The following ZDHHC11 variants were observed in gnomAD, a reference collection of about 807,000 sequenced individuals.
ZDHHC11 encodes palmitoyltransferase ZDHHC11.
Under a neutral mutation model 51.3 loss-of-function variants are expected in ZDHHC11, and 44 were observed. That is an observed-to-expected ratio of 0.86 (90% CI 0.67 to 1.10). ZDHHC11 has a LOEUF of 1.10. Ranked by LOEUF, ZDHHC11 falls within the 50% of genes least tolerant of loss-of-function variation. The probability of loss-of-function intolerance (pLI) is 0.00; values close to 1 mark genes in which losing one functional copy is unlikely to be tolerated. For synonymous variants in ZDHHC11, 163 were observed against 222.0 expected (o/e 0.73, Z 2.36); for missense variants, 400 against 537.7 (o/e 0.74, Z 2.53).
At chr5:859,320 A>G (rs994923334), upstream of ZDHHC11, among the ~76,000 whole-genome samples, 1 of 152,056 alleles carries the variant, frequency 6.6e-6, no homozygotes, top group African/African-American at 2.4e-5. Flanking sequence ...TAGCCTGCAA[A>G]AGAGCTCGCT....
chr5:841,876 T>C, intron 4 of ZDHHC11: 1 of 988,704 alleles, frequency 1.0e-6, no homozygotes, highest in Non-Finnish European at 1.2e-6. Flanking sequence ...ATGGATGTCT[T>C]TCGGTGACAG....
At chr5:821,816 A>G in intron 9 of ZDHHC11, 45 bp downstream of exon 9, 1 of 1,534,886 alleles carries the variant, frequency 6.5e-7, no homozygotes, top group East Asian at 2.2e-5. Context: ...GTGTATAACT[A>G]TGTTACTAAT....
chr5:856,088 C>T (rs573357242), intron 1 of ZDHHC11, among the ~76,000 whole-genome samples: 3 of 152,198 alleles, frequency 2.0e-5, no homozygotes, highest in Non-Finnish European at 2.9e-5. Context: ...TCCCCTCAGG[C>T]CCACGCTCAG....
chr5:845,945 G>T (rs1488498390), intron 3 of ZDHHC11, among the ~76,000 whole-genome samples: 14 of 150,052 alleles, frequency 9.3e-5, no homozygotes, highest in African/African-American at 3.3e-4. Context: ...ACCTGCCTGT[G>T]GGCCCTCACC....
chr5:838,582 C>G (rs1192459640), intron 5 of ZDHHC11, among the ~76,000 whole-genome samples: 1 of 152,120 alleles, frequency 6.6e-6, no homozygotes, highest in Non-Finnish European at 1.5e-5. Context: ...GGAGTCACTG[C>G]CCAGGGAGGC....
At position 802,805 on chromosome 5, in the gene ZDHHC11, C is replaced by G. The variant is rs531998498; in HGVS notation, c.1182-1641G>C. Among the ~76,000 whole-genome samples the G allele has an allele frequency of 6.0e-5, 6 of 99,816 alleles. 1 individual carries two copies. Among genetic ancestry groups the G allele is most frequent in the Non-Finnish European group, 1.1e-4 (6 of 52,776 alleles). The allele number at this position is 99,816 out of a possible 152,430, so 65.5% of individuals were successfully genotyped here. On this transcript the variant is annotated intron_variant, in intron 11 of 12. Coordinates refer to ENST00000283441, the MANE Select transcript of ZDHHC11 (RefSeq NM_024786.3). The stretch of plus-strand genomic sequence containing the variant: ...TGGCTAACATGGTGAAACTCTGTCT[C>G]TACTAAAAATACAAAAATACAAAAA...
chr5:820,063 T>C lies in ZDHHC11; in HGVS notation c.1059-451A>G, dbSNP rs530332648. ...CCATTCCCTAATTTTCTACAACATA[T>C]ACATGTCGATTTGGCAATCATTACA... On this transcript the variant is annotated intron_variant, in intron 9 of 12. Coordinates refer to ENST00000283441, the MANE Select transcript of ZDHHC11 (RefSeq NM_024786.3). 3.3e-4 allele frequency among the ~76,000 whole-genome samples: 50 copies of C among 151,570 alleles called. 1 individual carries two copies. Among genetic ancestry groups the C allele is most frequent in the African/African-American group, 1.2e-3 (49 of 41,388 alleles).
At position 843,603 on chromosome 5, in the gene ZDHHC11, C is replaced by G; in HGVS notation, c.625G>C (p.Glu209Gln). 3 of 1,608,736 alleles carry G rather than the reference C, an allele frequency of 1.9e-6. No individual in the cohort carries two copies. Among genetic ancestry groups the G allele is most frequent in the Non-Finnish European group, 2.5e-6 (3 of 1,176,814 alleles). ...CTTGAGAGCGGCGGCCACGTACCTT[C>G]ATACCTGGGGTCCGTGCGGAGCACC... ...PGVLRTDPRY[E>Q]DVKNMNTWLL... Residue 209 changes from glutamate to glutamine, a missense_variant, in exon 4 of 13, where the codon GAA becomes CAA. Around this residue, in one of 5 missense-constraint regions of ZDHHC11, gnomAD observed 26 missense variants for 47.1 expected, o/e 0.55. Transcript: ENST00000283441.
At chr5:828,394 GCTGGCCGGGTGGAGGTGCCCC>G in intron 7 of ZDHHC11, among the ~76,000 whole-genome samples, 1 of 150,882 alleles carries the variant, frequency 6.6e-6, no homozygotes, top group African/African-American at 2.4e-5. Context: ...GGACGGGGCG[GCTGGCCGGGTGGAGGTGCCCC>G]CCACCTCCCT....
chr5:849,394 CCCAA>C (rs1746798011), intron 1 of ZDHHC11, among the ~76,000 whole-genome samples: 2 of 152,132 alleles, frequency 1.3e-5, no homozygotes, highest in Middle Eastern at 3.2e-3. Flanking sequence ...CGGATGCAGC[CCCAA>C]AGGCCCTGGA....
chr5:804,317 T>C (rs955956388), intron 11 of ZDHHC11, among the ~76,000 whole-genome samples: 6 of 151,300 alleles, frequency 4.0e-5, no homozygotes, highest in Non-Finnish European at 8.9e-5. Context: ...TGCCCATTAA[T>C]GTACAGGAAA....
At chr5:840,023 G>C in intron 5 of ZDHHC11, 1 of 591,812 alleles carries the variant, frequency 1.7e-6, no homozygotes, top group Admixed American at 3.0e-5. Context: ...TGTGCCCACT[G>C]TGAGACCAAG....
intron 1 of ZDHHC11, 163 bp downstream of exon 1, chr5:850,218 T>C (rs1746950278): frequency 3.9e-6 from 3 of 763,080 alleles, no homozygotes; most frequent in Non-Finnish European, 4.3e-6. Flanking sequence ...GCACAGAGCA[T>C]GAGTGGCCAC....
chr5:802,962 A>G (rs1288297833), intron 11 of ZDHHC11, among the ~76,000 whole-genome samples: 1 of 146,682 alleles, frequency 6.8e-6, no homozygotes, highest in African/African-American at 2.5e-5. Flanking sequence ...TGGAGCTTGC[A>G]GTGAGCAGAG....
chr5:849,114 C>A (rs902134068), intron 1 of ZDHHC11, among the ~76,000 whole-genome samples: 4 of 152,194 alleles, frequency 2.6e-5, no homozygotes, highest in Non-Finnish European at 4.4e-5. Flanking sequence ...CCCGTCGGCC[C>A]TGCACACACA....
chr5:805,963 C>T (rs1189786080), intron 11 of ZDHHC11, among the ~76,000 whole-genome samples: 2 of 151,054 alleles, frequency 1.3e-5, no homozygotes, highest in Non-Finnish European at 3.0e-5. Context: ...ATGTTGCTGA[C>T]CCCACACAGC....
At chr5:842,225 TCA>T (rs1229637756) in intron 4 of ZDHHC11, 1 of 985,732 alleles carries the variant, frequency 1.0e-6, no homozygotes, top group East Asian at 1.1e-4. Context: ...CTCTGCTCTC[TCA>T]CTCTCCCCTG....
intron 7 of ZDHHC11, among the ~76,000 whole-genome samples, chr5:829,181 A>G (rs1233334871): frequency 6.7e-6 from 1 of 149,946 alleles, no homozygotes; most frequent in African/African-American, 2.5e-5. Flanking sequence ...AAACAAAAAA[A>G]CAAAAAAACC....
chr5:852,583 C>T (rs1338063449), upstream of ZDHHC11, among the ~76,000 whole-genome samples: 2 of 142,692 alleles, frequency 1.4e-5, no homozygotes, highest in East Asian at 4.3e-4. Flanking sequence ...CAATGAGCAG[C>T]GGGGACAGAC....
Sources: allele counts gnomAD v4.1 joint callset (sites outside exome capture counted in the v4.1 genomes callset), GRCh38; gene constraint gnomAD v4.1.1; regional missense constraint gnomAD v4.1.1; transcripts MANE v1.5; gene names NCBI Gene and HGNC (gene_info 2026-07-23, HGNC 2026-07-21).